Variants in PSME4 observed in about 807,000 individuals in gnomAD.
PSME4 encodes proteasome activator subunit 4.
PSME4 carries 89 observed loss-of-function variants against 253.9 expected under a neutral mutation model. The observed-to-expected ratio is 0.35, with a 90% CI of 0.30 to 0.42. The LOEUF (loss-of-function observed/expected upper bound fraction) is 0.42, where lower values mean the gene tolerates loss of function less well. Among genes scored for constraint, PSME4 ranks in the 10% least tolerant of loss-of-function variants. The probability of loss-of-function intolerance (pLI) is 1.00; values close to 1 mark genes in which losing one functional copy is unlikely to be tolerated. For synonymous variants in PSME4, 851 were observed against 759.2 expected (o/e 1.12, Z -1.99); for missense variants, 2,014 against 2,195.2 (o/e 0.92, Z 1.65).
chr2:53,962,286 G>A (rs944062498), intron 1 of PSME4, among the ~76,000 whole-genome samples: 25 of 150,446 alleles, frequency 1.7e-4, no homozygotes, highest in Admixed American at 1.4e-3. Context: ...TTACAGGGGC[G>A]AAAGGGATTC....
intron 1 of PSME4, 30 bp downstream of exon 1, chr2:53,970,513 G>A (rs934745676): frequency 2.6e-6 from 4 of 1,547,438 alleles, no homozygotes; most frequent in Admixed American, 3.9e-5. Context: ...CTTTCCCCCC[G>A]GCCCGGCCCG....
intron 11 of PSME4, 79 bp downstream of exon 11, chr2:53,928,038 C>A (rs1668648663): frequency 2.6e-6 from 3 of 1,153,958 alleles, no homozygotes; most frequent in African/African-American, 1.5e-5. Context: ...TATGCACAAA[C>A]TTCTCCAACC....
At chr2:53,964,820 A>C (rs924345020) in intron 1 of PSME4, among the ~76,000 whole-genome samples, 1 of 152,206 alleles carries the variant, frequency 6.6e-6, no homozygotes, top group Admixed American at 6.5e-5. Context: ...TCTGGTGGTT[A>C]CATAATCTAA....
At chr2:53,963,845 A>G (rs1486619981) in intron 1 of PSME4, among the ~76,000 whole-genome samples, 2 of 152,188 alleles carry the variant, frequency 1.3e-5, no homozygotes, top group East Asian at 3.8e-4. Context: ...TTTTTAAAAA[A>G]TTCCTTTTCC....
chr2:53,963,518 G>A (rs572996355), intron 1 of PSME4, among the ~76,000 whole-genome samples: 147 of 152,288 alleles, frequency 9.7e-4, no homozygotes, highest in Non-Finnish European at 5.7e-4. Flanking sequence ...ACTAACCTAT[G>A]AGCCTCTTGT....
intron 41 of PSME4, among the ~76,000 whole-genome samples, chr2:53,880,120 A>T (rs544950365): frequency 1.1e-3 from 163 of 152,294 alleles, no homozygotes; most frequent in African/African-American, 3.7e-3. Flanking sequence ...GAGCAGTATA[A>T]GGGTATTTCT....
chr2:53,895,488 C>T (rs805413), intron 33 of PSME4, 95 bp downstream of exon 33: 307,619 of 1,223,492 alleles, frequency 0.25, 40,445 homozygotes, highest in South Asian at 0.3. Context: ...GATAAAAGAA[C>T]CTTCAAGTGC....
At position 53,909,404 on chromosome 2, in the gene PSME4, T is replaced by C. The variant is rs189232154; in HGVS notation, c.2573-564A>G. Among the ~76,000 whole-genome samples, 22 of 152,318 alleles carry C rather than the reference T, an allele frequency of 1.4e-4. No homozygotes were observed. In the East Asian group the frequency reaches 3.7e-3, roughly 25 times the overall value. On this transcript the variant is annotated intron_variant, in intron 21 of 46. Transcript: ENST00000404125. ...TATGATAGGAAGGTATAAAGTTTTTTTAAATATAGGGTTACAATATTCGTA... is the reference window on the plus strand; with the variant it reads ...TATGATAGGAAGGTATAAAGTTTTTCTAAATATAGGGTTACAATATTCGTA...
chr2:53,937,396 A>C lies in PSME4; in HGVS notation c.690T>G (p.Gly230=). The C allele has an allele frequency of 6.3e-7, 1 of 1,591,272 alleles. No individual in the cohort carries two copies. The highest frequency in any genetic ancestry group is 8.6e-7 in the Non-Finnish European group (1 of 1,169,014). The change falls in exon 5 of 47, where the codon GGT becomes GGG. Residue 230 remains glycine, a synonymous_variant. Coordinates refer to ENST00000404125, the MANE Select transcript of PSME4 (RefSeq NM_014614.3). ...CAAGATATGAACATACTTACTTAAA[A>C]CCTTTATGATGAAGTTCTGGAGGAA... ...TSLPPELHHK[G]FKLWFDELIG...
intron 31 of PSME4, 99 bp downstream of exon 31, chr2:53,897,771 A>G: frequency 1.5e-6 from 2 of 1,325,788 alleles, no homozygotes; most frequent in South Asian, 2.7e-5. Flanking sequence ...ACTTCAAGAT[A>G]TTTATTAACC....
chr2:53,916,704 C>T (rs1053595590), intron 20 of PSME4, among the ~76,000 whole-genome samples: 2 of 151,924 alleles, frequency 1.3e-5, no homozygotes, highest in Non-Finnish European at 2.9e-5. Context: ...ATTTTAAAGG[C>T]TATTTTATTT....
Position 53,949,166 on chromosome 2 carries a change from G to A in PSME4, c.360C>T (p.Ala120=). ...ACTTTAACAAGTTGATCAAAAGGCG[G>A]GCAAATCCCTGCATCATGCTGATTT... ...KLEISMMQGF[A]RLLINLLKKK... The change falls in exon 2 of 47, where the codon GCC becomes GCT. Residue 120 remains alanine, a synonymous_variant. Transcript: ENST00000404125. The A allele has an allele frequency of 1.2e-6, 2 of 1,601,740 alleles. No individual in the cohort carries two copies. Among genetic ancestry groups the A allele is most frequent in the African/African-American group, 1.3e-5 (1 of 74,578 alleles).
chr2:53,908,699 T>A, intron 22 of PSME4, 85 bp downstream of exon 22: 1 of 1,445,800 alleles, frequency 6.9e-7, no homozygotes, highest in East Asian at 2.3e-5. Flanking sequence ...TAAAAAACAT[T>A]AAGTAAACAC....
Position 53,898,290 on chromosome 2 carries a change from T to C in PSME4, c.3476+11A>G. On this transcript the variant is annotated intron_variant, in intron 30 of 46. Transcript: ENST00000404125. ...AATGCTGTGAGAATTACAAAAATCTTTTGCACTTACAGGTTTCTTTGCTCC... is the reference window on the plus strand; with the variant it reads ...AATGCTGTGAGAATTACAAAAATCTCTTGCACTTACAGGTTTCTTTGCTCC... 6.3e-7 allele frequency: 1 copy of C among 1,598,948 alleles called. No homozygotes were observed. Among genetic ancestry groups the C allele is most frequent in the Non-Finnish European group, 8.5e-7 (1 of 1,173,538 alleles).
chr2:53,901,568 A>T lies in PSME4; in HGVS notation c.3076-9T>A. ...AGACAGTACAAGGCACCCTGCAGAA[A>T]AAAAAATATATATATGTTTACATGG... On this transcript the variant is annotated splice_polypyrimidine_tract_variant and intron_variant, in intron 27 of 46. Coordinates refer to ENST00000404125, the MANE Select transcript of PSME4 (RefSeq NM_014614.3). 1 of 1,589,968 alleles carries T rather than the reference A, an allele frequency of 6.3e-7. No individual in the cohort carries two copies. Among genetic ancestry groups the T allele is most frequent in the South Asian group, 1.1e-5 (1 of 89,860 alleles).
chr2:53,872,896 TA>T (rs36003427), intron 43 of PSME4, among the ~76,000 whole-genome samples: 43,997 of 146,454 alleles, frequency 0.3, 6,733 homozygotes, highest in South Asian at 0.47. Context: ...AATAAGAAAT[TA>T]AAAAAAAAAA....
At position 53,884,121 on chromosome 2, in the gene PSME4, A is replaced by G. The variant is rs188102325; in HGVS notation, c.4815+1569T>C. Among the ~76,000 whole-genome samples, 484 of 152,338 alleles carry G rather than the reference A, an allele frequency of 3.2e-3. 2 individuals are homozygous for G. Among genetic ancestry groups the G allele is most frequent in the African/African-American group, 9.8e-3 (408 of 41,566 alleles). ...CTTTGTACCTCTGGCCCCATTCAGC[A>G]TGATGGTCTAGTATTAGTATATCGT... On this transcript the variant is annotated intron_variant, in intron 41 of 46. Coordinates refer to ENST00000404125, the MANE Select transcript of PSME4 (RefSeq NM_014614.3).
At chr2:53,889,513 G>T (rs540711682) in intron 37 of PSME4, among the ~76,000 whole-genome samples, 2 of 152,148 alleles carry the variant, frequency 1.3e-5, no homozygotes. Context: ...CCTCAGGTTG[G>T]CTGAAACCAC....
intron 1 of PSME4, among the ~76,000 whole-genome samples, chr2:53,951,765 G>C (rs1670008331): frequency 6.6e-6 from 1 of 152,124 alleles, no homozygotes; most frequent in Non-Finnish European, 1.5e-5. Flanking sequence ...ACATAATGCA[G>C]ATATTATAAA....
Sources: allele counts gnomAD v4.1 joint callset (sites outside exome capture counted in the v4.1 genomes callset), GRCh38; gene constraint gnomAD v4.1.1; transcripts MANE v1.5; gene names NCBI Gene and HGNC (gene_info 2026-07-23, HGNC 2026-07-21).